The following CHRM2 variants were observed in gnomAD, a reference collection of about 807,000 sequenced individuals.
CHRM2 encodes muscarinic acetylcholine receptor M2.
Under a neutral mutation model 25.0 loss-of-function variants are expected in CHRM2, and 8 were observed. The ratio of observed to expected loss-of-function variants is 0.32; its 90% CI spans 0.19 to 0.58. CHRM2 has a LOEUF of 0.58. Ranked by LOEUF, CHRM2 falls within the 20% of genes least tolerant of loss-of-function variation. The pLI is 0.88. For missense variants in CHRM2, 440 were observed against 567.1 expected (o/e 0.78, Z 2.28); for synonymous variants, 202 against 205.7 (o/e 0.98, Z 0.15).
At chr7:136,877,837 G>A (rs962819713) in intron 2 of CHRM2, among the ~76,000 whole-genome samples, 1 of 151,870 alleles carries the variant, frequency 6.6e-6, no homozygotes, top group African/African-American at 2.4e-5. Context: ...CCTCATTCAT[G>A]CCAAGCCAAT....
chr7:136,876,315 C>T (rs1030204266), intron 2 of CHRM2, among the ~76,000 whole-genome samples: 5 of 152,056 alleles, frequency 3.3e-5, no homozygotes, highest in African/African-American at 1.2e-4. Context: ...ACAGCTAGAA[C>T]TTGTTAGGGA....
chr7:136,870,416 T>C (rs1237171952), intron 2 of CHRM2: 2 of 152,464 alleles, frequency 1.3e-5, no homozygotes, highest in African/African-American at 2.4e-5. Flanking sequence ...ACGGGGTAAG[T>C]AGAGACTCAT....
Position 136,930,390 on chromosome 7 carries a change from G to A in CHRM2, c.-125+60972G>A, listed in dbSNP as rs550552785. Among the ~76,000 whole-genome samples the A allele has an allele frequency of 2.0e-5, 3 of 152,140 alleles. No individual in the cohort carries two copies. In the South Asian group the frequency reaches 6.2e-4, roughly 32 times the overall value. On this transcript the variant is annotated intron_variant, in intron 2 of 3. Coordinates refer to ENST00000680005, the MANE Select transcript of CHRM2 (RefSeq NM_001006630.2). ...ATCTTACATGTCTTAACTTCATCTG[G>A]GATCTAGGAGGAAATGCAGATGCTC...
At chr7:136,902,554 C>T (rs1271227876) in intron 2 of CHRM2, 1 of 152,384 alleles carries the variant, frequency 6.6e-6, no homozygotes, top group Non-Finnish European at 1.5e-5. Context: ...TGAACTCATA[C>T]CATAAGCAGC....
chr7:137,008,383 T>C (rs1253919965), intron 3 of CHRM2, among the ~76,000 whole-genome samples: 1 of 152,126 alleles, frequency 6.6e-6, no homozygotes, highest in Non-Finnish European at 1.5e-5. Flanking sequence ...TATCTAAACA[T>C]AATATTGTTG....
chr7:136,901,937 C>T (rs1367425124), intron 2 of CHRM2: 1 of 151,858 alleles, frequency 6.6e-6, no homozygotes, highest in Non-Finnish European at 1.5e-5. Context: ...CTGCTCGTCT[C>T]TATGCTAATC....
intron 2 of CHRM2, among the ~76,000 whole-genome samples, chr7:136,883,172 C>G (rs1331772321): frequency 6.6e-6 from 1 of 152,120 alleles, no homozygotes; most frequent in Admixed American, 6.6e-5. Flanking sequence ...TACAGTGGAC[C>G]TAAGCTCCCT....
Position 136,869,212 on chromosome 7 carries a change from C to A in CHRM2, c.-282-49C>A, listed in dbSNP as rs1795714505. The A allele has an allele frequency of 3.9e-5, 6 of 152,308 alleles. No individual in the cohort carries two copies. The highest frequency in any genetic ancestry group is 1.2e-4 in the African/African-American group (5 of 41,426). The allele number at this position is 152,308 out of a possible 1,614,324, so 9.4% of individuals were successfully genotyped here. A position where few individuals can be genotyped will look rare whatever the true frequency, so the allele number is the denominator to read the frequency against. On this transcript the variant is annotated intron_variant, in intron 1 of 3. Transcript: ENST00000680005. The surrounding 1 kb of genome is among the most constrained non-coding windows in gnomAD (Gnocchi z 4.9). ...CGCCTCTCCCGCCTCTCCCGCCCCA[C>A]CCCTACAGTGTCTCGGCATCAACTA...
At chr7:136,969,016 T>C (rs1801596103) in intron 2 of CHRM2, among the ~76,000 whole-genome samples, 2 of 152,164 alleles carry the variant, frequency 1.3e-5, no homozygotes, top group Non-Finnish European at 2.9e-5. Flanking sequence ...TATTCAGTTC[T>C]ATGCATAATA....
At chr7:136,992,547 AC>A (rs1457567996) in intron 3 of CHRM2, among the ~76,000 whole-genome samples, 1 of 152,120 alleles carries the variant, frequency 6.6e-6, no homozygotes, top group African/African-American at 2.4e-5. Context: ...AATGTTCTAC[AC>A]CCTACCGTAA....
intron 2 of CHRM2, among the ~76,000 whole-genome samples, chr7:136,873,652 C>T (rs1795930640): frequency 6.6e-6 from 1 of 152,126 alleles, no homozygotes; most frequent in South Asian, 2.1e-4. Flanking sequence ...TTGTTGGACT[C>T]CACTGTCTTA....
At chr7:136,915,311 A>G (rs1269118617) in intron 2 of CHRM2, among the ~76,000 whole-genome samples, 1 of 151,888 alleles carries the variant, frequency 6.6e-6, no homozygotes, top group Non-Finnish European at 1.5e-5. Flanking sequence ...TGAACTAATT[A>G]ATTAAGGCTG....
rs1000422478 is a variant in CHRM2 at position 137,015,629 on chromosome 7, T to C, written c.764T>C (p.Leu255Pro). The change falls in exon 4 of 4, where the codon CTG (leucine) becomes CCG (proline). Residue 255 changes from leucine (L) to proline (P), a missense_variant. Coordinates refer to ENST00000680005, the MANE Select transcript of CHRM2 (RefSeq NM_001006630.2). This position sits in a 1 kb window ranked among gnomAD's most constrained non-coding sequence, Gnocchi z 5.1. ...AACATGCCCAGCAGTGACGATGGCC[T>C]GGAGCACAACAAAATCCAGAATGGC... ...NNNMPSSDDG[L>P]EHNKIQNGKA... 6.2e-7 allele frequency: 1 copy of C among 1,612,920 alleles called. No individual in the cohort carries two copies. The highest frequency in any genetic ancestry group is 1.3e-5 in the African/African-American group (1 of 74,810).
chr7:136,916,421 A>G (rs990624019), intron 2 of CHRM2, among the ~76,000 whole-genome samples: 1 of 151,934 alleles, frequency 6.6e-6, no homozygotes, highest in South Asian at 2.1e-4. Context: ...TTTAAAGAAT[A>G]TCATTTTATC....
intron 2 of CHRM2, among the ~76,000 whole-genome samples, chr7:136,922,486 A>G (rs1402796275): frequency 6.6e-6 from 1 of 152,200 alleles, no homozygotes; most frequent in Non-Finnish European, 1.5e-5. Context: ...TATAACATTC[A>G]ACATCCTCTG....
chr7:136,936,351 C>T (rs1799409474), intron 2 of CHRM2, among the ~76,000 whole-genome samples: 1 of 152,036 alleles, frequency 6.6e-6, no homozygotes, highest in Admixed American at 6.5e-5. Context: ...ATTTTAAATT[C>T]CCCTTGATCT....
intron 2 of CHRM2, among the ~76,000 whole-genome samples, chr7:136,880,967 C>A (rs1340193149): frequency 6.6e-6 from 1 of 151,490 alleles, no homozygotes; most frequent in Non-Finnish European, 1.5e-5. Flanking sequence ...GTATATTATT[C>A]TTCATCTTTG....
intron 2 of CHRM2, among the ~76,000 whole-genome samples, chr7:136,875,176 A>G (rs6962563): frequency 6.7e-6 from 1 of 150,126 alleles, no homozygotes; most frequent in Non-Finnish European, 1.5e-5. Flanking sequence ...ATATATATAT[A>G]TCTCCAGCAA....
intron 2 of CHRM2, among the ~76,000 whole-genome samples, chr7:136,984,838 T>C (rs975534991): frequency 2.0e-5 from 3 of 151,920 alleles, no homozygotes; most frequent in Non-Finnish European, 2.9e-5. Context: ...AGAAATCACC[T>C]GCCTTCTGCG....
Sources: allele counts gnomAD v4.1 joint callset (sites outside exome capture counted in the v4.1 genomes callset), GRCh38; gene constraint gnomAD v4.1.1; non-coding constraint Gnocchi (gnomAD v3.1); transcripts MANE v1.5; gene names NCBI Gene and HGNC (gene_info 2026-07-23, HGNC 2026-07-21).